Variants in NAV3 observed in about 807,000 individuals in gnomAD.
The protein encoded by NAV3 is neuron navigator 3.
Under a neutral mutation model 244.7 loss-of-function variants are expected in NAV3, and 87 were observed. The ratio of observed to expected loss-of-function variants is 0.36; its 90% CI spans 0.30 to 0.42. The LOEUF (loss-of-function observed/expected upper bound fraction) is 0.42, where lower values mean the gene tolerates loss of function less well. NAV3 is among the 20% of genes least tolerant of loss of function. The pLI is 1.00. For missense variants in NAV3, 2,663 were observed against 2,893.3 expected, an observed-to-expected ratio of 0.92 and a Z score of 1.83; for synonymous variants, 1,126 against 1,042.2, an observed-to-expected ratio of 1.08 and a Z score of -1.55.
chr12:77,604,155 C>T (rs572720445), intron 2 of NAV3, among the ~76,000 whole-genome samples: 24 of 152,106 alleles, frequency 1.6e-4, no homozygotes, highest in Non-Finnish European at 2.8e-4. Context: ...CAGAGCAGTG[C>T]CAAGACCCAG....
intron 2 of NAV3, among the ~76,000 whole-genome samples, chr12:77,727,994 T>C (rs1876955820): frequency 6.6e-6 from 1 of 151,938 alleles, no homozygotes; most frequent in Non-Finnish European, 1.5e-5. Flanking sequence ...CAGTATTTTT[T>C]TTTTAGATGT....
At chr12:77,948,588 G>C (rs1269870557) in intron 3 of NAV3, among the ~76,000 whole-genome samples, 3 of 151,452 alleles carry the variant, frequency 2.0e-5, no homozygotes, top group Non-Finnish European at 4.4e-5. Flanking sequence ...TGTATTTGAA[G>C]ACATATTTCG....
intron 18 of NAV3, among the ~76,000 whole-genome samples, chr12:78,135,128 A>G (rs1362718167): frequency 6.6e-6 from 1 of 152,200 alleles, no homozygotes; most frequent in Non-Finnish European, 1.5e-5. Flanking sequence ...TGTTCCATTC[A>G]AAAAATTATC....
intron 12 of NAV3, among the ~76,000 whole-genome samples, chr12:78,087,009 C>T (rs1953672536): frequency 6.6e-6 from 1 of 151,930 alleles, no homozygotes; most frequent in Admixed American, 6.6e-5. Context: ...GCCCATATTG[C>T]TCTTTTATGT....
rs149941548 is a variant in NAV3 at position 77,692,736 on chromosome 12, G to C, written c.72+120470G>C. On this transcript the variant is annotated intron_variant, in intron 2 of 8. Transcript: ENST00000550042. ...TCTTGAGTGCTGTTAGTTTACAAAA[G>C]AAATAATAGTGTGCAAAAATACCTT... is the stretch of plus-strand genomic sequence containing the variant. 2.8e-3 allele frequency among the ~76,000 whole-genome samples: 420 copies of C among 151,942 alleles called. 3 individuals carry two copies. Among genetic ancestry groups the C allele is most frequent in the African/African-American group, 9.8e-3 (404 of 41,414 alleles).
At chr12:78,069,882 T>G (rs1249067194) in intron 12 of NAV3, among the ~76,000 whole-genome samples, 4 of 152,190 alleles carry the variant, frequency 2.6e-5, no homozygotes, top group South Asian at 2.1e-4. Context: ...GATTTACAAT[T>G]TTTAGATTTT....
At chr12:77,650,688 T>C (rs1007340398) in intron 2 of NAV3, among the ~76,000 whole-genome samples, 1 of 152,140 alleles carries the variant, frequency 6.6e-6, no homozygotes, top group Non-Finnish European at 1.5e-5. Flanking sequence ...TTTTTGTAAA[T>C]AGATTTTTGT....
At chr12:77,922,976 A>G (rs532919510) in intron 1 of NAV3, among the ~76,000 whole-genome samples, 1 of 152,094 alleles carries the variant, frequency 6.6e-6, no homozygotes, top group South Asian at 2.1e-4. Flanking sequence ...ATGGTTTTCT[A>G]TTCTACTTTT....
chr12:77,743,476 T>A (rs2137407027), intron 2 of NAV3, among the ~76,000 whole-genome samples: 1 of 151,952 alleles, frequency 6.6e-6, no homozygotes, highest in Admixed American at 6.6e-5. Flanking sequence ...TAAAAACATA[T>A]GTCCACACTA....
chr12:78,040,018 A>T (rs1049891448), intron 9 of NAV3, among the ~76,000 whole-genome samples: 1 of 152,104 alleles, frequency 6.6e-6, no homozygotes, highest in Admixed American at 6.6e-5. Context: ...GGTAACTTGT[A>T]TTGTTGCTAA....
At chr12:78,179,355 C>A in intron 28 of NAV3, 174 bp from the exon 29 acceptor site, 12 of 564,502 alleles carry the variant, frequency 2.1e-5, no homozygotes, top group South Asian at 1.0e-4. Context: ...CGTTTTGAAC[C>A]TGTGAATGCA....
chr12:78,068,595 T>C (rs1287754933), intron 12 of NAV3, among the ~76,000 whole-genome samples: 1 of 147,712 alleles, frequency 6.8e-6, no homozygotes, highest in Non-Finnish European at 1.5e-5. Context: ...TGTTTTGTTC[T>C]TTTATATATA....
intron 2 of NAV3, among the ~76,000 whole-genome samples, chr12:77,616,546 C>T (rs987030398): frequency 6.6e-6 from 1 of 151,954 alleles, no homozygotes; most frequent in African/African-American, 2.4e-5. Flanking sequence ...CACAGATAAC[C>T]AGTGAGGTAG....
chr12:77,738,737 C>T (rs866579364), intron 2 of NAV3, among the ~76,000 whole-genome samples: 4 of 151,948 alleles, frequency 2.6e-5, no homozygotes, highest in South Asian at 4.1e-4. Flanking sequence ...CTGGGCTGGG[C>T]GCGTGGCTCA....
chr12:78,154,088 A>C (rs1266471925), intron 22 of NAV3, among the ~76,000 whole-genome samples: 1 of 146,326 alleles, frequency 6.8e-6, no homozygotes, highest in Non-Finnish European at 1.5e-5. Flanking sequence ...TGATATACTA[A>C]ATATTTTCCC....
intron 2 of NAV3, among the ~76,000 whole-genome samples, chr12:77,701,853 AT>A (rs1454762762): frequency 6.6e-6 from 1 of 151,672 alleles, no homozygotes; most frequent in African/African-American, 2.4e-5. Context: ...GTAAGAGTTA[AT>A]TTTTTTGAAA....
intron 2 of NAV3, among the ~76,000 whole-genome samples, chr12:77,598,072 G>C (rs1870251027): frequency 6.6e-6 from 1 of 152,028 alleles, no homozygotes; most frequent in Non-Finnish European, 1.5e-5. Context: ...CCTAGGAATA[G>C]TTTAAAATTG....
At chr12:77,776,730 G>A (rs937955865) in intron 2 of NAV3, among the ~76,000 whole-genome samples, 3 of 152,094 alleles carry the variant, frequency 2.0e-5, no homozygotes, top group East Asian at 1.9e-4. Flanking sequence ...TAATAGGAAC[G>A]AATATGCAGG....
chr12:77,961,757 A>C (rs1051502965), intron 3 of NAV3, among the ~76,000 whole-genome samples: 1 of 149,230 alleles, frequency 6.7e-6, no homozygotes, highest in Non-Finnish European at 1.5e-5. Flanking sequence ...CTGGGGAGAG[A>C]GTGTAGACAA....
Sources: allele counts gnomAD v4.1 joint callset (sites outside exome capture counted in the v4.1 genomes callset), GRCh38; gene constraint gnomAD v4.1.1; transcripts MANE v1.5; gene names NCBI Gene and HGNC (gene_info 2026-07-23, HGNC 2026-07-21).